Variants in CDH4 observed in about 807,000 individuals in gnomAD.
CDH4 encodes the protein cadherin 4.
A neutral mutation model predicts 86.0 loss-of-function variants in CDH4; 33 were observed. That is an observed-to-expected ratio of 0.38 (90% CI 0.29 to 0.51). The LOEUF (loss-of-function observed/expected upper bound fraction) is 0.51, where lower values mean the gene tolerates loss of function less well. Among genes scored for constraint, CDH4 ranks in the 20% least tolerant of loss-of-function variants. The pLI, the probability that CDH4 is intolerant of heterozygous loss-of-function variation, is 0.86. For missense variants in CDH4, 1,114 were observed against 1,307.4 expected (o/e 0.85, Z 2.28); for synonymous variants, 555 against 549.4 (o/e 1.01, Z -0.14).
chr20:61,715,426 G>A lies in CDH4; in HGVS notation c.170-28137G>A, dbSNP rs2087942328. Among the ~76,000 whole-genome samples, 3 of 152,136 alleles carry A rather than the reference G, an allele frequency of 2.0e-5. No homozygotes were observed. The South Asian group carries it at 6.3e-4, about 32-fold the overall frequency. On this transcript the variant is annotated intron_variant, in intron 2 of 15. Transcript: ENST00000614565. ...TAAGGCCATGGCTTTGGCACCTGGT[G>A]TGGGCCCTCCTGCTTCCTCATACCA...
intron 2 of CDH4, among the ~76,000 whole-genome samples, chr20:61,385,820 G>A (rs989131112): frequency 4.8e-5 from 7 of 144,636 alleles, no homozygotes; most frequent in African/African-American, 1.9e-4. Context: ...TTTAACGTAG[G>A]TGTCATTTAC....
At chr20:61,605,463 GTCTC>G (rs950734821) in intron 2 of CDH4, among the ~76,000 whole-genome samples, 10 of 150,742 alleles carry the variant, frequency 6.6e-5, no homozygotes, top group Admixed American at 1.3e-4. Context: ...CTCTGTCTCT[GTCTC>G]TCTATTTGTC....
intron 4 of CDH4, among the ~76,000 whole-genome samples, chr20:61,787,475 A>G (rs115257136): frequency 6.6e-6 from 1 of 152,142 alleles, no homozygotes; most frequent in African/African-American, 2.4e-5. Context: ...AACTGCGCCC[A>G]TGATTCAATT....
intron 2 of CDH4, among the ~76,000 whole-genome samples, chr20:61,667,431 A>G (rs983748523): frequency 1.3e-5 from 2 of 152,360 alleles, no homozygotes; most frequent in African/African-American, 4.8e-5. Context: ...GTTGCATGTC[A>G]AAGGTCACAG....
intron 4 of CDH4, among the ~76,000 whole-genome samples, chr20:61,831,462 C>T (rs368865127): frequency 6.6e-6 from 1 of 152,232 alleles, no homozygotes; most frequent in East Asian, 1.9e-4. Flanking sequence ...GCCTGCACCC[C>T]CTCCAGGACG....
intron 2 of CDH4, among the ~76,000 whole-genome samples, chr20:61,304,092 G>A (rs944557655): frequency 2.0e-5 from 3 of 152,066 alleles, no homozygotes; most frequent in African/African-American, 7.2e-5. Flanking sequence ...CCGTGTCCTG[G>A]GGCCTGGGAA....
chr20:61,460,226 T>G (rs1215286991), intron 2 of CDH4, among the ~76,000 whole-genome samples: 2 of 152,226 alleles, frequency 1.3e-5, no homozygotes, highest in African/African-American at 4.8e-5. Context: ...ACTGTCGGAC[T>G]TTTCATTGGT....
At chr20:61,850,916 G>C (rs1002740867) in intron 5 of CDH4, among the ~76,000 whole-genome samples, 1 of 152,254 alleles carries the variant, frequency 6.6e-6, no homozygotes, top group African/African-American at 2.4e-5. Flanking sequence ...GTATTTCCTC[G>C]TTATCCGCAC....
At chr20:61,806,319 C>G (rs1275418084) in intron 4 of CDH4, among the ~76,000 whole-genome samples, 1 of 152,162 alleles carries the variant, frequency 6.6e-6, no homozygotes, top group Non-Finnish European at 1.5e-5. Context: ...GCTAAGGAAG[C>G]CTACCCAAAG....
At chr20:61,569,074 A>G (rs2086322573) in intron 2 of CDH4, among the ~76,000 whole-genome samples, 1 of 152,112 alleles carries the variant, frequency 6.6e-6, no homozygotes, top group South Asian at 2.1e-4. Flanking sequence ...TGCTCTCTGG[A>G]GCCTCAGAGA....
At chr20:61,834,315 G>A (rs1438976711) in intron 4 of CDH4, among the ~76,000 whole-genome samples, 1 of 152,226 alleles carries the variant, frequency 6.6e-6, no homozygotes, top group African/African-American at 2.4e-5. Context: ...CCTAGGATCT[G>A]GGGCCTGGGG....
chr20:61,686,438 T>C (rs1282444750), intron 2 of CDH4, among the ~76,000 whole-genome samples: 1 of 150,180 alleles, frequency 6.7e-6, no homozygotes, highest in Non-Finnish European at 1.5e-5. Context: ...TGTATGTGCG[T>C]GTGCGTGTGC....
At chr20:61,366,541 T>C (rs1476445671) in intron 2 of CDH4, among the ~76,000 whole-genome samples, 1 of 152,220 alleles carries the variant, frequency 6.6e-6, no homozygotes, top group Non-Finnish European at 1.5e-5. Flanking sequence ...AGCAAGCCAG[T>C]CATTAGCATT....
intron 2 of CDH4, among the ~76,000 whole-genome samples, chr20:61,349,576 T>C (rs530666552): frequency 2.6e-4 from 40 of 152,310 alleles, no homozygotes; most frequent in African/African-American, 9.4e-4. Flanking sequence ...TCCCCGTTGC[T>C]GGATGCTGCT....
intron 2 of CDH4, among the ~76,000 whole-genome samples, chr20:61,587,347 C>T (rs945034053): frequency 2.6e-4 from 40 of 152,082 alleles, no homozygotes; most frequent in African/African-American, 6.5e-4. Context: ...TACCATCTTC[C>T]TCATTCCCAG....
rs373437993 is a variant in CDH4 at position 61,652,937 on chromosome 20, TA to T, written c.170-90625del. On this transcript the variant is annotated intron_variant, in intron 2 of 15. Coordinates refer to ENST00000614565, the MANE Select transcript of CDH4 (RefSeq NM_001794.5). Reference sequence around the variant, plus strand: ...GTTTGAATTTATTTATTTATTTATTTATTTTTTTTTTTTTTTTTATTGATCA... The same window carrying T: ...GTTTGAATTTATTTATTTATTTATTTTTTTTTTTTTTTTTTTTATTGATCA... Among the ~76,000 whole-genome samples the T allele has an allele frequency of 9.1e-4, 108 of 118,746 alleles. 2 individuals are homozygous for T. Among genetic ancestry groups the T allele is most frequent in the Non-Finnish European group, 1.2e-3 (63 of 50,850 alleles). 77.9% of individuals were successfully genotyped at this position (118,746 alleles called of 152,430 possible). A position where few individuals can be genotyped will look rare whatever the true frequency, so the allele number is the denominator to read the frequency against.
intron 2 of CDH4, among the ~76,000 whole-genome samples, chr20:61,494,027 G>A (rs2085642570): frequency 6.6e-6 from 1 of 152,210 alleles, no homozygotes; most frequent in African/African-American, 2.4e-5. Context: ...CAGCCACACT[G>A]CCAGACAAAG....
intron 2 of CDH4, among the ~76,000 whole-genome samples, chr20:61,591,159 G>A (rs1600788186): frequency 6.6e-6 from 1 of 152,280 alleles, no homozygotes; most frequent in East Asian, 1.9e-4. Flanking sequence ...AAGTACAAGA[G>A]GCGGACCCAC....
chr20:61,836,101 G>C (rs778084750), intron 4 of CDH4, among the ~76,000 whole-genome samples: 5 of 152,232 alleles, frequency 3.3e-5, no homozygotes, highest in Non-Finnish European at 5.9e-5. Context: ...CTTGACTCCA[G>C]GTCCACATTG....
Sources: allele counts gnomAD v4.1 joint callset (sites outside exome capture counted in the v4.1 genomes callset), GRCh38; gene constraint gnomAD v4.1.1; transcripts MANE v1.5; gene names NCBI Gene and HGNC (gene_info 2026-07-23, HGNC 2026-07-21).